PPFIA4: variants seen among roughly 807,000 people sequenced by gnomAD.
PPFIA4 encodes the protein liprin-alpha-4.
PPFIA4 carries 98 observed loss-of-function variants against 145.7 expected under a neutral mutation model. The ratio of observed to expected loss-of-function variants is 0.67; its 90% CI spans 0.57 to 0.80. The LOEUF is 0.80. PPFIA4 is among the 30% of genes least tolerant of loss of function. PPFIA4 has a pLI of 0.00. For missense variants in PPFIA4, 1,457 were observed against 1,632.7 expected (o/e 0.89, Z 1.85); for synonymous variants, 628 against 649.6 (o/e 0.97, Z 0.51).
chr1:203,064,056 T>C, intron 25 of PPFIA4, 53 bp downstream of exon 25: 2 of 1,568,154 alleles, frequency 1.3e-6, no homozygotes, highest in South Asian at 2.3e-5. Flanking sequence ...CTCCCCTAGC[T>C]CTGAGGGTCT....
Position 203,043,533 on chromosome 1 carries a change from CGTG to C in PPFIA4, c.336+36_336+38del. 1 of 1,497,118 alleles carries C rather than the reference CGTG, an allele frequency of 6.7e-7. No homozygotes were observed. The highest frequency in any genetic ancestry group is 9.1e-7 in the Non-Finnish European group (1 of 1,100,944). 92.7% of individuals were successfully genotyped at this position (1,497,118 alleles called of 1,614,324 possible). A position where few individuals can be genotyped will look rare whatever the true frequency, so the allele number is the denominator to read the frequency against. On this transcript the variant is annotated intron_variant, in intron 3 of 29. Coordinates refer to ENST00000295706, the MANE Select transcript of PPFIA4 (RefSeq NM_001304331.2). This position sits in a 1 kb window ranked among gnomAD's most constrained non-coding sequence, Gnocchi z 4.4. ...GATGACCTTGTGTCGCGCGCGCGCA[CGTG>C]TGTGTGTGTGTGTATGGGGGTGTGT... is the stretch of plus-strand genomic sequence containing the variant.
At chr1:203,042,820 G>T (rs556654715) in intron 2 of PPFIA4, among the ~76,000 whole-genome samples, 4 of 152,172 alleles carry the variant, frequency 2.6e-5, no homozygotes, top group African/African-American at 9.6e-5. Flanking sequence ...TGTATTTTTA[G>T]TCGAGACAGG....
intron 9 of PPFIA4, among the ~76,000 whole-genome samples, chr1:203,047,779 T>C (rs558245463): frequency 3.9e-5 from 6 of 152,302 alleles, no homozygotes; most frequent in Non-Finnish European, 5.9e-5. Context: ...CGAAGGCACA[T>C]AGAGGTTTGG....
intron 20 of PPFIA4, 89 bp from the exon 21 acceptor site, chr1:203,059,681 C>T (rs559450709): frequency 2.6e-4 from 290 of 1,115,676 alleles, no homozygotes; most frequent in South Asian, 5.4e-4. Flanking sequence ...TGTGGGTCTC[C>T]AGCTCTTGCA....
rs780287511 is a variant in PPFIA4, at chr1:203,053,887, C to G, written c.1755C>G (p.Pro585=). The G allele has an allele frequency of 1.8e-5, 28 of 1,563,120 alleles. No individual in the cohort carries two copies. Among genetic ancestry groups the G allele is most frequent in the Non-Finnish European group, 2.3e-5 (26 of 1,153,256 alleles). ...GLVGSADVVS[P]SGHSDAQTLA... ...TGGGCTCTGCGGATGTTGTCTCCCC[C>G]AGCGGCCACTCAGATGCCCAGACCC... Residue 585 remains proline (P), a synonymous_variant, in exon 15 of 30, where the codon CCC becomes CCG. Coordinates refer to ENST00000295706, the MANE Select transcript of PPFIA4 (RefSeq NM_001304331.2).
At chr1:203,030,065 T>C (rs1269768882) in intron 1 of PPFIA4, among the ~76,000 whole-genome samples, 1 of 152,240 alleles carries the variant, frequency 6.6e-6, no homozygotes, top group East Asian at 1.9e-4. Context: ...TGTCTTCAGA[T>C]AGATAACTGT....
rs1432436767 is a variant in PPFIA4, at chr1:203,026,496, C to G, written c.-533C>G. On this transcript the variant is annotated 5_prime_UTR_variant, in exon 1 of 30. Transcript: ENST00000295706. ...GAGGAAGGGGGCGGGGCCCCGCGGC[C>G]GCGCGCTTGGGCGGCGGAGGCTGCA... 1 of 152,190 alleles carries G rather than the reference C, an allele frequency of 6.6e-6. No homozygotes were observed. The highest frequency in any genetic ancestry group is 1.5e-5 in the Non-Finnish European group (1 of 68,096). The allele number at this position is 152,190 out of a possible 1,614,324, so 9.4% of individuals were successfully genotyped here.
chr1:203,061,560 CT>C, intron 23 of PPFIA4, 91 bp from the exon 24 acceptor site: 12 of 1,354,346 alleles, frequency 8.9e-6, no homozygotes, highest in Admixed American at 5.3e-5. Context: ...ACTGGGATGT[CT>C]TTTTCCTCTC....
Position 203,049,842 on chromosome 1 carries a change from C to T in PPFIA4, c.1511+75C>T, listed in dbSNP as rs948267658. ...CGTGAGGAAGGAGACTTCCTTCCAA[C>T]AAAAGACTGCCCAGGACCTCAGGGT... On this transcript the variant is annotated intron_variant, in intron 13 of 29. Coordinates refer to ENST00000295706, the MANE Select transcript of PPFIA4 (RefSeq NM_001304331.2). 2.4e-6 allele frequency: 3 copies of T among 1,275,178 alleles called. No homozygotes were observed. In the African/African-American group the frequency reaches 4.6e-5, roughly 19 times the overall value. 79.0% of individuals were successfully genotyped at this position (1,275,178 alleles called of 1,614,324 possible). A position where few individuals can be genotyped will look rare whatever the true frequency, so the allele number is the denominator to read the frequency against.
At chr1:203,053,610 G>A (rs1017486200) in intron 14 of PPFIA4, 143 bp from the exon 15 acceptor site, 3 of 676,038 alleles carry the variant, frequency 4.4e-6, no homozygotes, top group African/African-American at 1.8e-5. Flanking sequence ...TGAATCAGTA[G>A]GTCTGGTGGT....
rs1292830175 is a variant in PPFIA4 at position 203,038,906 on chromosome 1, C to G, written c.-103C>G. On this transcript the variant is annotated 5_prime_UTR_variant, in exon 2 of 30. Transcript: ENST00000295706. Reference sequence around the variant, plus strand: ...CCTGCCCACCTGTCCACTCGCCTGGCACTGCCCACTCTGAGACCCATGCAC... The same window carrying G: ...CCTGCCCACCTGTCCACTCGCCTGGGACTGCCCACTCTGAGACCCATGCAC... The G allele has an allele frequency of 4.6e-6, 3 of 647,200 alleles. No homozygotes were observed. The highest frequency in any genetic ancestry group is 8.2e-6 in the Non-Finnish European group (3 of 366,828). 40.1% of individuals were successfully genotyped at this position (647,200 alleles called of 1,614,324 possible).
At position 203,058,402 on chromosome 1, in the gene PPFIA4, A is replaced by G. The variant is rs147880215; in HGVS notation, c.2408-776A>G. 8.6e-3 allele frequency among the ~76,000 whole-genome samples: 1,313 copies of G among 152,328 alleles called. 10 individuals carry two copies. Among genetic ancestry groups the G allele is most frequent in the Middle Eastern group, 0.024 (7 of 294 alleles). ...GGTCCAGCTCCTTCTTCCCCAGTCCACAGGGGTGAGGGGAGTTGTGGAGCT... is the reference window on the plus strand; with the variant it reads ...GGTCCAGCTCCTTCTTCCCCAGTCCGCAGGGGTGAGGGGAGTTGTGGAGCT... On this transcript the variant is annotated intron_variant, in intron 19 of 29. Coordinates refer to ENST00000295706, the MANE Select transcript of PPFIA4 (RefSeq NM_001304331.2).
At chr1:203,026,971 A>G (rs1404513410) in intron 1 of PPFIA4, among the ~76,000 whole-genome samples, 5 of 151,892 alleles carry the variant, frequency 3.3e-5, no homozygotes, top group Non-Finnish European at 5.9e-5. Context: ...CCTCCAGGAG[A>G]GTCAGAAAAA....
At chr1:203,056,617 T>G in intron 18 of PPFIA4, 109 bp downstream of exon 18, 1 of 1,438,478 alleles carries the variant, frequency 7.0e-7, no homozygotes, top group Non-Finnish European at 9.4e-7. Flanking sequence ...CTGAATGTCT[T>G]ACTTCTCTTT....
intron 20 of PPFIA4, 99 bp downstream of exon 20, chr1:203,059,370 C>T: frequency 9.9e-7 from 1 of 1,008,732 alleles, no homozygotes. Context: ...AGACCCAGAC[C>T]CCAGCAAGGC....
In PPFIA4 at chr1:203,059,183, C is replaced by G; in HGVS notation, c.2413C>G (p.Leu805Val). The G allele has an allele frequency of 6.6e-7, 1 of 1,520,034 alleles. No individual in the cohort carries two copies. The allele number at this position is 1,520,034 out of a possible 1,614,324, so 94.2% of individuals were successfully genotyped here. A position where few individuals can be genotyped will look rare whatever the true frequency, so the allele number is the denominator to read the frequency against. ...ACACATCTCTTTCCTTGTAGTTCTGCTAACAGACTCCGAATTCAGTATGCA... is the reference window on the plus strand; with the variant it reads ...ACACATCTCTTTCCTTGTAGTTCTGGTAACAGACTCCGAATTCAGTATGCA... ...SRDGATGHVL[L>V]TDSEFSMQEP... Residue 805 changes from leucine (L) to valine (V), a missense_variant, in exon 20 of 30, where the codon CTA (leucine) becomes GTA (valine). Transcript: ENST00000295706.
chr1:203,061,466 C>T, intron 23 of PPFIA4, 186 bp from the exon 24 acceptor site: 1 of 583,402 alleles, frequency 1.7e-6, no homozygotes, highest in Non-Finnish European at 3.0e-6. Flanking sequence ...TTTGCCCCAC[C>T]TCAACGCAAA....
In PPFIA4 at chr1:203,044,769, C is replaced by A. The variant is rs1485866754; in HGVS notation, c.650C>A (p.Pro217Gln). The change falls in exon 6 of 30, where the codon CCG (proline) becomes CAG (glutamine). Residue 217 changes from proline (P) to glutamine (Q), a missense_variant. Pro to Gln is a moderately conservative substitution (Grantham distance 76). Coordinates refer to ENST00000295706, the MANE Select transcript of PPFIA4 (RefSeq NM_001304331.2). The part of the protein sequence containing the change: ...AEEEGTVELG[P>Q]KRLWKEDTGR... ...GAGGAGGGGACTGTGGAGCTGGGGC[C>A]GAAACGCCTGTGGAAGGTAGGTCAT... 1 of 1,563,938 alleles carries A rather than the reference C, an allele frequency of 6.4e-7. No homozygotes were observed. The highest frequency in any genetic ancestry group is 8.7e-7 in the Non-Finnish European group (1 of 1,154,440).
In PPFIA4 at chr1:203,063,982, A is replaced by G; in HGVS notation, c.3029A>G (p.Lys1010Arg). The G allele has an allele frequency of 4.3e-6, 7 of 1,613,656 alleles. No homozygotes were observed. Among genetic ancestry groups the G allele is most frequent in the Non-Finnish European group, 5.9e-6 (7 of 1,179,866 alleles). ...AAGAAGGACCTGCGGGTCCACCTGA[A>G]GATGGTGGACAGCTTCCATCGGTGA... ...LTKKDLRVHL[K>R]MVDSFHRTSL... The change falls in exon 25 of 30, where the codon AAG (lysine) becomes AGG (arginine). Residue 1010 changes from lysine to arginine, a missense_variant. Lys to Arg is a conservative substitution (Grantham distance 26). Coordinates refer to ENST00000295706, the MANE Select transcript of PPFIA4 (RefSeq NM_001304331.2).
Sources: allele counts gnomAD v4.1 joint callset (sites outside exome capture counted in the v4.1 genomes callset), GRCh38; gene constraint gnomAD v4.1.1; non-coding constraint Gnocchi (gnomAD v3.1); transcripts MANE v1.5; gene names NCBI Gene and HGNC (gene_info 2026-07-23, HGNC 2026-07-21).